Variants in ROBO1 observed in about 807,000 individuals in gnomAD.
ROBO1 encodes roundabout guidance receptor 1.
A neutral mutation model predicts 195.9 loss-of-function variants in ROBO1; 149 were observed. The observed-to-expected ratio is 0.76, with a 90% CI of 0.67 to 0.87. ROBO1 has a LOEUF of 0.87. Among genes scored for constraint, ROBO1 ranks in the 40% least tolerant of loss-of-function variants. The probability of loss-of-function intolerance (pLI) is 0.00; values close to 1 mark genes in which losing one functional copy is unlikely to be tolerated. For synonymous variants in ROBO1, 816 were observed against 733.2 expected (o/e 1.11, Z -1.82); for missense variants, 1,933 against 2,068.3 (o/e 0.93, Z 1.27).
chr3:78,676,173 T>G (rs1708410571), intron 10 of ROBO1, among the ~76,000 whole-genome samples: 1 of 152,154 alleles, frequency 6.6e-6, no homozygotes, highest in Non-Finnish European at 1.5e-5. Flanking sequence ...AAAACCCATC[T>G]ATACATCACC....
intron 3 of ROBO1, among the ~76,000 whole-genome samples, chr3:79,023,688 G>C (rs868611526): frequency 3.8e-5 from 2 of 53,292 alleles, no homozygotes; most frequent in East Asian, 1.1e-3. Context: ...TTTTTTTTTT[G>C]AGACAGAGTT....
intron 3 of ROBO1, among the ~76,000 whole-genome samples, chr3:78,983,145 A>C (rs895844142): frequency 6.6e-6 from 1 of 152,194 alleles, no homozygotes; most frequent in African/African-American, 2.4e-5. Context: ...CCTGAAATAA[A>C]GTGAGTTTTT....
At chr3:79,380,669 T>C (rs2036538951) in intron 2 of ROBO1, among the ~76,000 whole-genome samples, 1 of 152,114 alleles carries the variant, frequency 6.6e-6, no homozygotes, top group South Asian at 2.1e-4. Flanking sequence ...TCGTCCGAAT[T>C]AATGACTTCC....
At chr3:79,587,008 A>G (rs987128491) in intron 2 of ROBO1, among the ~76,000 whole-genome samples, 1 of 152,048 alleles carries the variant, frequency 6.6e-6, no homozygotes, top group South Asian at 2.1e-4. Flanking sequence ...CAATGAAAGC[A>G]ACAATTCAAT....
chr3:79,344,043 G>T (rs571153019), intron 2 of ROBO1, among the ~76,000 whole-genome samples: 1 of 152,204 alleles, frequency 6.6e-6, no homozygotes, highest in East Asian at 1.9e-4. Flanking sequence ...TTCTCAGGTG[G>T]TTTTTATGAC....
rs1192220553 is a variant in ROBO1 at position 79,106,715 on chromosome 3, TA to T, written c.172+18740del. 2.1e-3 allele frequency among the ~76,000 whole-genome samples: 315 copies of T among 147,188 alleles called. 2 individuals carry two copies. The highest frequency in any genetic ancestry group is 7.1e-3 in the Middle Eastern group (2 of 280). ...ATCAGGTTGCAAGCAATACAGACAC[TA>T]AAAAAAAAATGTAAGTTAAAAATAT... On this transcript the variant is annotated intron_variant, in intron 3 of 30. Coordinates refer to ENST00000464233, the MANE Select transcript of ROBO1 (RefSeq NM_002941.4).
intron 3 of ROBO1, among the ~76,000 whole-genome samples, chr3:78,998,783 A>T (rs116654010): frequency 5.3e-5 from 8 of 152,220 alleles, no homozygotes; most frequent in African/African-American, 1.9e-4. Context: ...TTAGTTTAAT[A>T]GCCTAATCCA....
In ROBO1 at chr3:78,822,093, T is replaced by TACACACACACACAC. The variant is rs113114251; in HGVS notation, c.500-75207_500-75194dup. ...AGTCTCTGGGAAACACACATATACA[T>TACACACACACACAC]ACACACACACACACACACACACACA... On this transcript the variant is annotated intron_variant, in intron 4 of 30. Transcript: ENST00000464233. 2.6e-4 allele frequency among the ~76,000 whole-genome samples: 38 copies of TACACACACACACAC among 146,954 alleles called. No individual in the cohort carries two copies. The East Asian group carries it at 3.8e-3, about 15-fold the overall frequency.
At chr3:78,722,414 T>C (rs2108117824) in intron 5 of ROBO1, among the ~76,000 whole-genome samples, 1 of 152,248 alleles carries the variant, frequency 6.6e-6, no homozygotes, top group South Asian at 2.1e-4. Context: ...AGTAACATAA[T>C]ATGACTAAAA....
intron 2 of ROBO1, among the ~76,000 whole-genome samples, chr3:79,243,108 T>C (rs1252748750): frequency 1.3e-5 from 2 of 151,614 alleles, no homozygotes; most frequent in East Asian, 2.0e-4. Flanking sequence ...CTTGCGATAG[T>C]TTGCTGAGAA....
intron 2 of ROBO1, among the ~76,000 whole-genome samples, chr3:79,180,521 GC>G (rs2081323440): frequency 6.6e-6 from 1 of 152,090 alleles, no homozygotes; most frequent in Admixed American, 6.5e-5. Flanking sequence ...GAGCACAGTG[GC>G]TAAGGACATA....
intron 2 of ROBO1, among the ~76,000 whole-genome samples, chr3:79,531,509 G>C (rs1415829855): frequency 6.6e-6 from 1 of 152,054 alleles, no homozygotes; most frequent in Non-Finnish European, 1.5e-5. Flanking sequence ...TGTAATCCCA[G>C]CTACTCGGTA....
intron 1 of ROBO1, among the ~76,000 whole-genome samples, chr3:79,646,109 A>G (rs920163369): frequency 1.3e-5 from 2 of 152,166 alleles, no homozygotes; most frequent in Non-Finnish European, 2.9e-5. Context: ...AAGCTTCTGC[A>G]CAGCTAAGGA....
At chr3:79,153,116 G>T (rs1041937204) in intron 2 of ROBO1, among the ~76,000 whole-genome samples, 5 of 151,642 alleles carry the variant, frequency 3.3e-5, no homozygotes, top group African/African-American at 1.2e-4. Flanking sequence ...CATTGAGGGT[G>T]AGCGGGTGGT....
At chr3:79,471,013 C>T (rs745554050) in intron 2 of ROBO1, among the ~76,000 whole-genome samples, 6 of 151,936 alleles carry the variant, frequency 3.9e-5, no homozygotes, top group Non-Finnish European at 7.4e-5. Context: ...AATCAGCAGC[C>T]AGTTGATTTT....
At chr3:79,096,254 G>T (rs1332638398) in intron 3 of ROBO1, among the ~76,000 whole-genome samples, 1 of 151,790 alleles carries the variant, frequency 6.6e-6, no homozygotes, top group Non-Finnish European at 1.5e-5. Context: ...AATCTAAACT[G>T]TGCATCTGCT....
intron 2 of ROBO1, among the ~76,000 whole-genome samples, chr3:79,218,165 T>G (rs2082084039): frequency 6.6e-6 from 1 of 152,022 alleles, no homozygotes; most frequent in African/African-American, 2.4e-5. Flanking sequence ...ATCTTGCATA[T>G]CCTCCCTAAA....
At chr3:78,655,098 T>C (rs919826427) in intron 18 of ROBO1, among the ~76,000 whole-genome samples, 2 of 152,122 alleles carry the variant, frequency 1.3e-5, no homozygotes, top group Admixed American at 1.3e-4. Context: ...AAAAGTTTTA[T>C]TTCTATATAT....
intron 2 of ROBO1, among the ~76,000 whole-genome samples, chr3:79,523,759 C>G (rs1186344423): frequency 6.6e-6 from 1 of 152,080 alleles, no homozygotes; most frequent in Non-Finnish European, 1.5e-5. Flanking sequence ...CAGGCATGAG[C>G]CACTGCGCTC....
Sources: allele counts gnomAD v4.1 joint callset (sites outside exome capture counted in the v4.1 genomes callset), GRCh38; gene constraint gnomAD v4.1.1; transcripts MANE v1.5; gene names NCBI Gene and HGNC (gene_info 2026-07-23, HGNC 2026-07-21).